DISC1: variants seen among roughly 807,000 people sequenced by gnomAD.
DISC1 encodes DISC1 scaffold protein.
A neutral mutation model predicts 84.5 loss-of-function variants in DISC1; 57 were observed. That is an observed-to-expected ratio of 0.67 (90% CI 0.55 to 0.84). The LOEUF (loss-of-function observed/expected upper bound fraction) is 0.84, where lower values mean the gene tolerates loss of function less well. Ranked by LOEUF, DISC1 falls within the 40% of genes least tolerant of loss-of-function variation. The probability of loss-of-function intolerance (pLI) is 0.00; values close to 1 mark genes in which losing one functional copy is unlikely to be tolerated. For missense variants in DISC1, 1,000 were observed against 1,057.8 expected (o/e 0.95, Z 0.76); for synonymous variants, 411 against 415.2 (o/e 0.99, Z 0.12).
chr1:231,812,795 C>T (rs1027239641), intron 8 of DISC1, among the ~76,000 whole-genome samples: 1 of 142,398 alleles, frequency 7.0e-6, no homozygotes, highest in Non-Finnish European at 1.6e-5. Context: ...ATTTTCATCA[C>T]TGAGCTCCTG....
intron 9 of DISC1, among the ~76,000 whole-genome samples, chr1:231,855,697 G>A (rs1478625715): frequency 6.6e-6 from 1 of 152,076 alleles, no homozygotes; most frequent in Admixed American, 6.6e-5. Context: ...TGACTTTAAG[G>A]GTGATTATAT....
intron 9 of DISC1, among the ~76,000 whole-genome samples, chr1:231,888,514 G>T (rs1019306853): frequency 6.6e-6 from 1 of 151,432 alleles, no homozygotes; most frequent in Non-Finnish European, 1.5e-5. Flanking sequence ...GGAGGCCGAG[G>T]GGGGTGGATC....
intron 9 of DISC1, among the ~76,000 whole-genome samples, chr1:231,840,437 A>G (rs1445941389): frequency 2.6e-5 from 4 of 152,234 alleles, no homozygotes; most frequent in African/African-American, 7.2e-5. Flanking sequence ...ATAACAAACT[A>G]TGGTACCTTC....
intron 10 of DISC1, chr1:231,959,351 C>T: frequency 3.0e-6 from 3 of 985,732 alleles, no homozygotes; most frequent in Non-Finnish European, 3.6e-6. Flanking sequence ...TTTTTTAAAA[C>T]CCAATTAGGA....
At chr1:231,648,654 C>T (rs1397851565) in intron 1 of DISC1, among the ~76,000 whole-genome samples, 2 of 152,140 alleles carry the variant, frequency 1.3e-5, no homozygotes, top group Non-Finnish European at 2.9e-5. Context: ...CTTTGTACTT[C>T]TGGTAGAATT....
chr1:231,693,728 G>T, intron 1 of DISC1, 98 bp from the exon 2 acceptor site: 1 of 1,580,854 alleles, frequency 6.3e-7, no homozygotes, highest in South Asian at 1.1e-5. Flanking sequence ...GGTGTACTGA[G>T]AGATGACCTT....
At chr1:231,707,834 C>A (rs1434143345) in intron 3 of DISC1, among the ~76,000 whole-genome samples, 1 of 152,030 alleles carries the variant, frequency 6.6e-6, no homozygotes, top group Non-Finnish European at 1.5e-5. Flanking sequence ...TCCCTAAAAC[C>A]CCAAATTCCT....
At chr1:231,785,100 G>T (rs1277823349) in intron 6 of DISC1, among the ~76,000 whole-genome samples, 2 of 152,068 alleles carry the variant, frequency 1.3e-5, no homozygotes, top group East Asian at 3.8e-4. Context: ...AAAAGGCCAA[G>T]TAGATAAACA....
intron 9 of DISC1, among the ~76,000 whole-genome samples, chr1:231,928,873 G>A (rs1052772849): frequency 6.6e-6 from 1 of 152,228 alleles, no homozygotes; most frequent in Non-Finnish European, 1.5e-5. Flanking sequence ...GGTTTTGAGT[G>A]AGTTTCTTAA....
rs75482419 is a variant in DISC1, at chr1:231,817,431, C to A, written c.1793-898C>A. ...AGCACATAAATTTCTACAAAAGAAC[C>A]TCATAACATTTTGATTGGAATTATA... On this transcript the variant is annotated intron_variant, in intron 8 of 12. Coordinates refer to ENST00000439617, the MANE Select transcript of DISC1 (RefSeq NM_018662.3). Among the ~76,000 whole-genome samples, 721 of 152,202 alleles carry A rather than the reference C, an allele frequency of 4.7e-3. 7 individuals are homozygous for A. The highest frequency in any genetic ancestry group is 0.017 in the African/African-American group (688 of 41,532).
At chr1:231,653,188 G>A (rs914240998) in intron 1 of DISC1, among the ~76,000 whole-genome samples, 2 of 152,190 alleles carry the variant, frequency 1.3e-5, no homozygotes, top group Non-Finnish European at 2.9e-5. Flanking sequence ...TTAAGTTTTT[G>A]TATTTAAGGT....
At chr1:231,687,270 T>C (rs1276560500) in intron 1 of DISC1, among the ~76,000 whole-genome samples, 3 of 152,194 alleles carry the variant, frequency 2.0e-5, no homozygotes, top group African/African-American at 2.4e-5. Context: ...GATAATGACA[T>C]ACCTGAGACT....
At chr1:231,676,326 A>C (rs2063151821) in intron 1 of DISC1, among the ~76,000 whole-genome samples, 1 of 152,130 alleles carries the variant, frequency 6.6e-6, no homozygotes, top group South Asian at 2.1e-4. Context: ...CTTCCCTGTG[A>C]CCATTTAGGA....
At position 231,628,697 on chromosome 1, in the gene DISC1, T is replaced by C. The variant is rs78382430; in HGVS notation, c.67+1763T>C. ...TTGGCCGCTTGCCAAACTGAACTTATAGAGTGGAGCTGTGATTCAGAACAG... is the reference window on the plus strand; with the variant it reads ...TTGGCCGCTTGCCAAACTGAACTTACAGAGTGGAGCTGTGATTCAGAACAG... On this transcript the variant is annotated intron_variant, in intron 1 of 12. Coordinates refer to ENST00000439617, the MANE Select transcript of DISC1 (RefSeq NM_018662.3). Among the ~76,000 whole-genome samples, 564 of 152,302 alleles carry C rather than the reference T, an allele frequency of 3.7e-3. 2 individuals carry two copies. The highest frequency in any genetic ancestry group is 0.013 in the African/African-American group (542 of 41,568).
chr1:231,856,472 T>A (rs1268957346), intron 9 of DISC1, among the ~76,000 whole-genome samples: 1 of 152,252 alleles, frequency 6.6e-6, no homozygotes. Flanking sequence ...AGGATGAGCT[T>A]ACTTCCAGGT....
At chr1:231,700,115 A>AT (rs2066224180) in intron 2 of DISC1, among the ~76,000 whole-genome samples, 1 of 152,188 alleles carries the variant, frequency 6.6e-6, no homozygotes, top group African/African-American at 2.4e-5. Context: ...AGCATCCCTG[A>AT]TCCCCATAAC....
intron 3 of DISC1, among the ~76,000 whole-genome samples, chr1:231,732,286 C>G (rs138969443): frequency 6.6e-6 from 1 of 152,124 alleles, no homozygotes; most frequent in Non-Finnish European, 1.5e-5. Context: ...TTTTTTACAA[C>G]CTTGTGTCCA....
intron 9 of DISC1, among the ~76,000 whole-genome samples, chr1:231,875,394 G>A (rs1193208654): frequency 1.3e-5 from 2 of 152,136 alleles, no homozygotes; most frequent in Non-Finnish European, 2.9e-5. Context: ...ACAGCCAGGG[G>A]CTCCTCATCC....
intron 9 of DISC1, among the ~76,000 whole-genome samples, chr1:231,899,370 G>C (rs1269957219): frequency 1.3e-5 from 2 of 152,234 alleles, no homozygotes; most frequent in East Asian, 3.9e-4. Flanking sequence ...TGCTGGTCTG[G>C]GGACCACATT....
Sources: gnomAD v4.1 joint callset for allele counts (sites outside exome capture counted in the v4.1 genomes callset) on GRCh38, gnomAD v4.1.1 for gene constraint, MANE v1.5 for transcripts, NCBI Gene and HGNC (gene_info 2026-07-23, HGNC 2026-07-21) for gene names.